Variants in GLCE observed in about 807,000 individuals in gnomAD.
GLCE encodes the protein D-glucuronyl C5-epimerase.
A neutral mutation model predicts 47.9 loss-of-function variants in GLCE; 19 were observed. That is an observed-to-expected ratio of 0.40 (90% CI 0.28 to 0.58). The LOEUF (loss-of-function observed/expected upper bound fraction) is 0.58, where lower values mean the gene tolerates loss of function less well. GLCE is among the 20% of genes least tolerant of loss of function. The pLI is 0.48. For synonymous variants in GLCE, 245 were observed against 263.4 expected, an observed-to-expected ratio of 0.93 and a Z score of 0.68; for missense variants, 556 against 743.3, an observed-to-expected ratio of 0.75 and a Z score of 2.93.
chr15:69,251,430 A>G (rs1238242485), intron 2 of GLCE, among the ~76,000 whole-genome samples: 1 of 152,198 alleles, frequency 6.6e-6, no homozygotes, highest in Non-Finnish European at 1.5e-5. Flanking sequence ...TTTGCACAGT[A>G]TGAATCTCTA....
intron 2 of GLCE, among the ~76,000 whole-genome samples, chr15:69,229,126 C>G (rs1296327961): frequency 1.3e-5 from 2 of 151,948 alleles, no homozygotes; most frequent in Non-Finnish European, 2.9e-5. Flanking sequence ...GACATTAAGG[C>G]AAAAAGCAAT....
At chr15:69,231,083 A>G (rs1457798551) in intron 2 of GLCE, among the ~76,000 whole-genome samples, 4 of 152,218 alleles carry the variant, frequency 2.6e-5, no homozygotes, top group African/African-American at 9.6e-5. Flanking sequence ...AAGTTTTGAA[A>G]AAGAAAACAA....
chr15:69,177,708 G>C (rs140687037), intron 1 of GLCE, among the ~76,000 whole-genome samples: 14 of 135,670 alleles, frequency 1.0e-4, no homozygotes, highest in Admixed American at 3.6e-4. Flanking sequence ...ACTTCATGCC[G>C]CTTTATCATC....
At chr15:69,192,990 A>G (rs983467544) in intron 1 of GLCE, among the ~76,000 whole-genome samples, 1 of 152,012 alleles carries the variant, frequency 6.6e-6, no homozygotes, top group African/African-American at 2.4e-5. Flanking sequence ...CCACATGTAT[A>G]ACTTGTATTC....
chr15:69,215,539 G>GGTGT (rs57115250), intron 2 of GLCE, among the ~76,000 whole-genome samples: 75,473 of 148,820 alleles, frequency 0.51, 21,580 homozygotes, highest in Admixed American at 0.64. Context: ...TTACATAAAG[G>GGTGT]GTGTGTGTGT....
chr15:69,232,471 A>C (rs142538858), intron 2 of GLCE, among the ~76,000 whole-genome samples: 1 of 151,904 alleles, frequency 6.6e-6, no homozygotes, highest in East Asian at 1.9e-4. Context: ...GTGTGTATGT[A>C]TGTATATTAA....
In GLCE at chr15:69,170,557, T is replaced by C. The variant is rs186028769; in HGVS notation, c.-105+9800T>C. On this transcript the variant is annotated intron_variant, in intron 1 of 4. Transcript: ENST00000261858. ...ATATGTTTGTAAGTGTATGTATATA[T>C]ATTTGTGTGTGCATGCATGTGTGTA... 1.8e-4 allele frequency among the ~76,000 whole-genome samples: 28 copies of C among 152,314 alleles called. No individual in the cohort carries two copies. In the East Asian group the frequency reaches 4.8e-3, roughly 26 times the overall value.
intron 1 of GLCE, among the ~76,000 whole-genome samples, chr15:69,161,204 G>A (rs2051414305): frequency 6.6e-6 from 1 of 152,006 alleles, no homozygotes; most frequent in Admixed American, 6.5e-5. Flanking sequence ...TTACACCGGT[G>A]TAAACCTTGT....
At chr15:69,205,276 A>G (rs567407485) in intron 1 of GLCE, among the ~76,000 whole-genome samples, 1 of 152,118 alleles carries the variant, frequency 6.6e-6, no homozygotes, top group Admixed American at 6.5e-5. Flanking sequence ...ATATCCATTT[A>G]CTCAGCATAT....
chr15:69,240,723 T>C (rs1426738282), intron 2 of GLCE, among the ~76,000 whole-genome samples: 1 of 152,078 alleles, frequency 6.6e-6, no homozygotes, highest in Non-Finnish European at 1.5e-5. Flanking sequence ...GAAAATTGTA[T>C]TAGTGATGCA....
At chr15:69,173,883 G>A (rs12440902) in intron 1 of GLCE, among the ~76,000 whole-genome samples, 18,528 of 152,018 alleles carry the variant, frequency 0.12, 1,189 homozygotes, top group East Asian at 0.16. Flanking sequence ...TTTGAGACAG[G>A]GTCTTACTCT....
intron 1 of GLCE, among the ~76,000 whole-genome samples, chr15:69,185,740 G>C (rs561455574): frequency 6.6e-6 from 1 of 152,140 alleles, no homozygotes; most frequent in South Asian, 2.1e-4. Flanking sequence ...ACCAAGCAGT[G>C]CACATCAGCT....
chr15:69,207,421 A>G (rs1424010147), intron 1 of GLCE, among the ~76,000 whole-genome samples: 1 of 152,056 alleles, frequency 6.6e-6, no homozygotes, highest in Non-Finnish European at 1.5e-5. Flanking sequence ...CCACTACTCC[A>G]TACCCCAACT....
chr15:69,223,943 A>G (rs1353069500), intron 2 of GLCE, among the ~76,000 whole-genome samples: 2 of 152,274 alleles, frequency 1.3e-5, no homozygotes, highest in East Asian at 3.9e-4. Context: ...ACTGATACTT[A>G]CACGTTTTTC....
chr15:69,186,386 C>T (rs547903799), intron 1 of GLCE, among the ~76,000 whole-genome samples: 1 of 152,154 alleles, frequency 6.6e-6, no homozygotes, highest in South Asian at 2.1e-4. Flanking sequence ...GGGTTAGGAG[C>T]CAGGAACCAT....
At chr15:69,163,819 A>G (rs973356695) in intron 1 of GLCE, among the ~76,000 whole-genome samples, 3 of 152,178 alleles carry the variant, frequency 2.0e-5, no homozygotes, top group Non-Finnish European at 2.9e-5. Context: ...AAATGGTGAA[A>G]TGTACAGTAT....
intron 1 of GLCE, among the ~76,000 whole-genome samples, chr15:69,199,141 C>A (rs544847845): frequency 6.6e-6 from 1 of 152,136 alleles, no homozygotes; most frequent in Non-Finnish European, 1.5e-5. Context: ...ATTATTTCAA[C>A]TGTTTCTTGT....
intron 2 of GLCE, among the ~76,000 whole-genome samples, chr15:69,241,462 T>A (rs2052670367): frequency 6.6e-6 from 1 of 152,226 alleles, no homozygotes; most frequent in South Asian, 2.1e-4. Context: ...CTTAGCTAAC[T>A]CTTGAATCAC....
At chr15:69,262,910 A>G (rs1417495596) in intron 4 of GLCE, among the ~76,000 whole-genome samples, 1 of 152,180 alleles carries the variant, frequency 6.6e-6, no homozygotes, top group East Asian at 1.9e-4. Context: ...AGTGTTTCAG[A>G]TTTTGGAATA....
Sources: allele counts gnomAD v4.1 joint callset (sites outside exome capture counted in the v4.1 genomes callset), GRCh38; gene constraint gnomAD v4.1.1; transcripts MANE v1.5; gene names NCBI Gene and HGNC (gene_info 2026-07-23, HGNC 2026-07-21).